Variants in CLCN7 observed in about 807,000 individuals in gnomAD.
CLCN7 encodes the protein Cl-/H+ antiporter 7.
In CLCN7, 60 loss-of-function variants were observed where a neutral mutation model predicts 102.1. The observed-to-expected ratio is 0.59, with a 90% CI of 0.48 to 0.73. The LOEUF is 0.73. Among genes scored for constraint, CLCN7 ranks in the 30% least tolerant of loss-of-function variants. The probability of loss-of-function intolerance (pLI) is 0.00; values close to 1 mark genes in which losing one functional copy is unlikely to be tolerated. For missense variants in CLCN7, 962 were observed against 1,125.7 expected, an observed-to-expected ratio of 0.85 and a Z score of 2.08; for synonymous variants, 560 against 490.5, an observed-to-expected ratio of 1.14 and a Z score of -1.87.
intron 16 of CLCN7, 135 bp downstream of exon 16, chr16:1,451,488 G>A: frequency 4.3e-6 from 3 of 700,170 alleles, no homozygotes; most frequent in East Asian, 2.7e-5. Context: ...ACAGGAGTGA[G>A]TCCCTGCTAT....
intron 1 of CLCN7, chr16:1,471,595 T>C (rs991811611): frequency 1.3e-5 from 2 of 152,262 alleles, no homozygotes; most frequent in African/African-American, 2.4e-5. Context: ...CTTGTGTTGC[T>C]GGTTTTAACA....
chr16:1,465,118 C>A (rs1329556438), intron 2 of CLCN7, 149 bp downstream of exon 2: 1 of 734,990 alleles, frequency 1.4e-6, no homozygotes, highest in South Asian at 1.5e-5. Context: ...CACTTGGCGT[C>A]AGGGACCATG....
rs923808258 is a variant in CLCN7 at position 1,456,158 on chromosome 16, C to T, written c.871G>A (p.Ala291Thr). ...RDTEKRDFVS[A>T]GAAAGVSAAF... ...GCTGACACTCCGGCCGCAGCCCCTG[C>T]GGAGACGAAGTCCCGCTTCTCTGTG... The change falls in exon 10 of 25, where the codon GCA (alanine) becomes ACA (threonine). Residue 291 changes from alanine (A) to threonine (T), a missense_variant. By Grantham distance (58) the Ala-to-Thr change is moderately conservative (BLOSUM62 0). Around this residue, in one of 2 missense-constraint regions of CLCN7, gnomAD observed 799 missense variants for 988.0 expected, o/e 0.81. Transcript: ENST00000382745. 36 of 1,567,242 alleles carry T rather than the reference C, an allele frequency of 2.3e-5. No homozygotes were observed. Among genetic ancestry groups the T allele is most frequent in the Non-Finnish European group, 2.9e-5 (33 of 1,155,572 alleles).
intron 19 of CLCN7, 67 bp from the exon 20 acceptor site, chr16:1,448,833 C>G: frequency 2.5e-6 from 4 of 1,597,914 alleles, no homozygotes; most frequent in Non-Finnish European, 3.4e-6. Context: ...CGAGCCTACC[C>G]CTGGGAGCCC....
intron 14 of CLCN7, among the ~76,000 whole-genome samples, chr16:1,453,149 A>T (rs2038780523): frequency 6.6e-6 from 1 of 152,120 alleles, no homozygotes; most frequent in Non-Finnish European, 1.5e-5. Flanking sequence ...CTGGGATTAC[A>T]GGCGCCCGGC....
At chr16:1,458,172 C>T (rs573408187) in intron 7 of CLCN7, among the ~76,000 whole-genome samples, 11 of 152,358 alleles carry the variant, frequency 7.2e-5, no homozygotes, top group East Asian at 1.9e-4. Context: ...TGCGGCTCCA[C>T]GATGCCCCCT....
At chr16:1,454,015 TA>T (rs1301706767) in intron 13 of CLCN7, 121 bp from the exon 14 acceptor site, 37 of 894,384 alleles carry the variant, frequency 4.1e-5, no homozygotes, top group East Asian at 3.3e-4. Context: ...GGCAGGGGGC[TA>T]GGGGGTCCTG....
intron 21 of CLCN7, among the ~76,000 whole-genome samples, 195 bp from the exon 22 acceptor site, chr16:1,447,909 G>A (rs1015768592): frequency 6.6e-5 from 10 of 152,220 alleles, no homozygotes; most frequent in African/African-American, 1.4e-4. Flanking sequence ...CCCAAGGATC[G>A]GCGACAGGGT....
At chr16:1,450,932 G>A (rs1032908254) in intron 16 of CLCN7, among the ~76,000 whole-genome samples, 3 of 152,180 alleles carry the variant, frequency 2.0e-5, no homozygotes, top group Non-Finnish European at 2.9e-5. Context: ...CCAGCGGGGC[G>A]GCCCAGCTGG....
At position 1,461,438 on chromosome 16, in the gene CLCN7, C is replaced by A; in HGVS notation, c.318G>T (p.Leu106=). 6.4e-7 allele frequency: 1 copy of A among 1,558,452 alleles called. No homozygotes were observed. Among genetic ancestry groups the A allele is most frequent in the Non-Finnish European group, 8.7e-7 (1 of 1,151,796 alleles). The change falls in exon 4 of 25, where the codon CTG becomes CTT. Residue 106 remains leucine (L), a synonymous_variant. Transcript: ENST00000382745. ...TGATCCGCCGCTCCTCCTCCAGGAACAGCTGGTTCTCACTGTTGTCATAGT... is the reference window on the plus strand; with the variant it reads ...TGATCCGCCGCTCCTCCTCCAGGAAAAGCTGGTTCTCACTGTTGTCATAGT... ...SLDYDNSENQ[L]FLEEERRINH...
chr16:1,469,161 C>T (rs1055677344), intron 1 of CLCN7, among the ~76,000 whole-genome samples: 1 of 151,712 alleles, frequency 6.6e-6, no homozygotes, highest in African/African-American at 2.4e-5. Context: ...AGCCGAGATC[C>T]TGCCACTGTA....
At chr16:1,447,195 G>A in intron 23 of CLCN7, 109 bp from the exon 24 acceptor site, 2 of 1,225,078 alleles carry the variant, frequency 1.6e-6, no homozygotes, top group East Asian at 2.5e-5. Flanking sequence ...GGCACGTCCT[G>A]AGCCCCCACG....
At chr16:1,459,641 T>G (rs79482445) in intron 6 of CLCN7, among the ~76,000 whole-genome samples, 46 of 9,644 alleles carry the variant, frequency 4.8e-3, no homozygotes, top group Admixed American at 9.7e-3. Flanking sequence ...CAGCACACAC[T>G]TCGGGGCCCC....
chr16:1,458,967 GC>G, intron 7 of CLCN7, 139 bp downstream of exon 7: 1 of 653,048 alleles, frequency 1.5e-6, no homozygotes, highest in Non-Finnish European at 2.7e-6. Flanking sequence ...TTCACACCCA[GC>G]CAGCCCATCT....
chr16:1,448,903 A>AG, intron 19 of CLCN7, 63 bp downstream of exon 19: 1 of 1,606,420 alleles, frequency 6.2e-7, no homozygotes, highest in Non-Finnish European at 8.5e-7. Flanking sequence ...GGAGGCTCAC[A>AG]GGGGCCCCTC....
chr16:1,446,703 C>G lies in CLCN7; in HGVS notation c.2346G>C (p.Val782=), dbSNP rs1200061529. Residue 782 remains valine (V), a synonymous_variant, in exon 25 of 25, where the codon GTG becomes GTC. Transcript: ENST00000382745. ...GGTACCTGGCGAGGTCCTTCCTGGT[C>G]ACCAACCCGACAACCTGCAGGACAA... is the stretch of plus-strand genomic sequence containing the variant. ...VDNRNQVVGL[V]TRKDLARYRL... 1.9e-6 allele frequency: 3 copies of G among 1,588,714 alleles called. No homozygotes were observed. The Admixed American group carries it at 5.2e-5, about 28-fold the overall frequency.
chr16:1,464,523 C>T (rs559013538), intron 2 of CLCN7, among the ~76,000 whole-genome samples: 1 of 152,378 alleles, frequency 6.6e-6, no homozygotes, highest in East Asian at 1.9e-4. Flanking sequence ...CTGTACAGGA[C>T]GGCATCTGAG....
intron 15 of CLCN7, 195 bp from the exon 16 acceptor site, chr16:1,451,911 C>T (rs2038757721): frequency 1.6e-6 from 1 of 608,510 alleles, no homozygotes; most frequent in South Asian, 1.7e-5. Context: ...AAGCCATGGT[C>T]ACGGAGGGAA....
chr16:1,449,125 C>T lies in CLCN7; in HGVS notation c.1670-32G>A, dbSNP rs964066895. On this transcript the variant is annotated intron_variant, in intron 18 of 24. Coordinates refer to ENST00000382745, the MANE Select transcript of CLCN7 (RefSeq NM_001287.6). ...GAGCCATCATGAACCCCAGCACGTC[C>T]ACCCTCCTGGCTCAGGGTCACGTGG... is the stretch of plus-strand genomic sequence containing the variant. 6.2e-6 allele frequency: 10 copies of T among 1,612,196 alleles called. No homozygotes were observed. The African/African-American group carries it at 1.1e-4, about 17-fold the overall frequency.
Sources: gnomAD v4.1 joint callset for allele counts (sites outside exome capture counted in the v4.1 genomes callset) on GRCh38, gnomAD v4.1.1 for gene constraint, gnomAD v4.1.1 regional missense constraint, MANE v1.5 for transcripts, NCBI Gene and HGNC (gene_info 2026-07-23, HGNC 2026-07-21) for gene names.